Variants in TOX3 observed in about 807,000 individuals in gnomAD.
TOX3 encodes the protein TOX high mobility group box family member 3.
TOX3 carries 22 observed loss-of-function variants against 64.3 expected under a neutral mutation model. That is an observed-to-expected ratio of 0.34 (90% CI 0.24 to 0.49). The LOEUF (loss-of-function observed/expected upper bound fraction) is 0.49. Ranked by LOEUF, TOX3 falls within the 20% of genes least tolerant of loss-of-function variation. TOX3 has a pLI of 0.99. For missense variants in TOX3, 661 were observed against 714.4 expected (o/e 0.93, Z 0.85); for synonymous variants, 291 against 273.6 (o/e 1.06, Z -0.63).
At chr16:52,485,056 C>T (rs112933659) in intron 1 of TOX3, among the ~76,000 whole-genome samples, 43,082 of 149,010 alleles carry the variant, frequency 0.29, 8,815 homozygotes, top group African/African-American at 0.57. Context: ...TATATATACA[C>T]ACACACAAAC....
intron 4 of TOX3, among the ~76,000 whole-genome samples, chr16:52,448,144 T>C (rs1178299393): frequency 6.6e-6 from 1 of 152,168 alleles, no homozygotes; most frequent in African/African-American, 2.4e-5. Flanking sequence ...TAAGGAAATT[T>C]TTGTGTCATT....
chr16:52,452,831 C>T (rs759019953), intron 3 of TOX3, among the ~76,000 whole-genome samples: 9 of 152,054 alleles, frequency 5.9e-5, no homozygotes, highest in African/African-American at 1.4e-4. Context: ...TAATAATTTC[C>T]GAATAATTAC....
At chr16:52,494,211 A>G (rs559808695) in intron 1 of TOX3, among the ~76,000 whole-genome samples, 1 of 152,112 alleles carries the variant, frequency 6.6e-6, no homozygotes, top group Non-Finnish European at 1.5e-5. Context: ...TTGCATTTTG[A>G]TGCGGGTTGG....
intron 1 of TOX3, among the ~76,000 whole-genome samples, chr16:52,491,085 A>G (rs1266011460): frequency 6.6e-6 from 1 of 151,570 alleles, no homozygotes; most frequent in South Asian, 2.1e-4. Context: ...CCTAATTAAA[A>G]CTCTTTTCCT....
At chr16:52,472,762 A>G (rs1961085446) in intron 1 of TOX3, among the ~76,000 whole-genome samples, 1 of 152,208 alleles carries the variant, frequency 6.6e-6, no homozygotes. Flanking sequence ...TGTTTTAAAG[A>G]CACATAAATG....
At chr16:52,535,873 T>G (rs1962934422) in intron 1 of TOX3, among the ~76,000 whole-genome samples, 1 of 152,202 alleles carries the variant, frequency 6.6e-6, no homozygotes, top group Non-Finnish European at 1.5e-5. Flanking sequence ...AAATTAAAAA[T>G]AAAATGTAAA....
At chr16:52,465,163 C>T (rs893244916) in intron 2 of TOX3, among the ~76,000 whole-genome samples, 1 of 151,496 alleles carries the variant, frequency 6.6e-6, no homozygotes, top group Non-Finnish European at 1.5e-5. Context: ...TACAGGCGCC[C>T]GCCACCATAC....
intron 1 of TOX3, among the ~76,000 whole-genome samples, chr16:52,527,451 C>A (rs1962749724): frequency 6.6e-6 from 1 of 152,178 alleles, no homozygotes; most frequent in Non-Finnish European, 1.5e-5. Flanking sequence ...TGTTGAAGGA[C>A]AACTATTTTC....
intron 3 of TOX3, among the ~76,000 whole-genome samples, chr16:52,461,642 A>C (rs1051682313): frequency 8.5e-5 from 13 of 152,280 alleles, no homozygotes; most frequent in African/African-American, 2.4e-4. Context: ...CACCATAGCA[A>C]TCCTTAACAG....
chr16:52,536,910 A>T (rs922156866), intron 1 of TOX3, among the ~76,000 whole-genome samples: 1 of 151,038 alleles, frequency 6.6e-6, no homozygotes. Context: ...TACATATTTT[A>T]TATATATATG....
chr16:52,479,632 C>G (rs1961312905), intron 1 of TOX3, among the ~76,000 whole-genome samples: 1 of 152,186 alleles, frequency 6.6e-6, no homozygotes, highest in South Asian at 2.1e-4. Context: ...ACTGAAGTGA[C>G]AGCTGAGAGA....
rs1243515097 is a variant in TOX3, at chr16:52,439,491, G to A, written c.1465C>T (p.His489Tyr). 1.4e-6 allele frequency: 2 copies of A among 1,397,838 alleles called. No homozygotes were observed. The highest frequency in any genetic ancestry group is 2.0e-6 in the Non-Finnish European group (2 of 1,007,458). 86.6% of individuals were successfully genotyped at this position (1,397,838 alleles called of 1,614,324 possible). A position where few individuals can be genotyped will look rare whatever the true frequency, so the allele number is the denominator to read the frequency against. The change falls in exon 7 of 7, where the codon CAC becomes TAC. Residue 489 changes from histidine (H) to tyrosine (Y), a missense_variant. His to Tyr is a moderately conservative substitution (Grantham distance 83). Transcript: ENST00000219746. ...AGATGCTGCTGCTGCTGCTGCAGGTGCTGCTGCATGTGGTGCTGGAAATGC... is the reference window on the plus strand; with the variant it reads ...AGATGCTGCTGCTGCTGCTGCAGGTACTGCTGCATGTGGTGCTGGAAATGC... Reference protein sequence around the residue: ...QQHFQHHMQQHLQQQQQHLQQ... With the variant: ...QQHFQHHMQQYLQQQQQHLQQ...
chr16:52,514,818 T>C (rs1055333832), intron 1 of TOX3, among the ~76,000 whole-genome samples: 1 of 152,058 alleles, frequency 6.6e-6, no homozygotes, highest in African/African-American at 2.4e-5. Flanking sequence ...AAGACCATCC[T>C]GGTTAACATG....
chr16:52,480,258 C>G (rs1221482145), intron 1 of TOX3, among the ~76,000 whole-genome samples: 1 of 152,196 alleles, frequency 6.6e-6, no homozygotes, highest in Non-Finnish European at 1.5e-5. Context: ...CAGCCCACAT[C>G]AAATTCAGGT....
At chr16:52,537,621 A>G (rs3112581) in intron 1 of TOX3, among the ~76,000 whole-genome samples, 86,835 of 151,884 alleles carry the variant, frequency 0.57, 26,073 homozygotes, top group East Asian at 0.79. Flanking sequence ...TTTTTCCTCC[A>G]AAGAACCACT....
intron 1 of TOX3, among the ~76,000 whole-genome samples, chr16:52,486,176 G>C (rs1281443964): frequency 2.6e-5 from 4 of 152,104 alleles, no homozygotes; most frequent in African/African-American, 9.7e-5. Flanking sequence ...AACATCCCAA[G>C]GGAGATGAGA....
intron 1 of TOX3, among the ~76,000 whole-genome samples, chr16:52,540,766 A>G (rs1596872096): frequency 6.6e-6 from 1 of 152,164 alleles, no homozygotes; most frequent in Non-Finnish European, 1.5e-5. Flanking sequence ...ACGATGTGAC[A>G]CCCAGAGCTA....
intron 1 of TOX3, among the ~76,000 whole-genome samples, chr16:52,543,897 G>T (rs1039617518): frequency 6.6e-6 from 1 of 152,084 alleles, no homozygotes; most frequent in African/African-American, 2.4e-5. Flanking sequence ...TTGATACAAA[G>T]GACTCTGGTC....
intron 1 of TOX3, among the ~76,000 whole-genome samples, chr16:52,492,564 A>AATATATATAT (rs56848244): frequency 0.08 from 7,216 of 90,302 alleles, 411 homozygotes; most frequent in East Asian, 0.13. Flanking sequence ...GTTGTATATA[A>AATATATATAT]ATATATATAT....
Sources: gnomAD v4.1 joint callset for allele counts (sites outside exome capture counted in the v4.1 genomes callset) on GRCh38, gnomAD v4.1.1 for gene constraint, MANE v1.5 for transcripts, NCBI Gene and HGNC (gene_info 2026-07-23, HGNC 2026-07-21) for gene names.